The following SEC23B variants were observed in gnomAD, a reference collection of about 807,000 sequenced individuals.
SEC23B encodes SEC23 homolog B, COPII component, also known as protein transport protein Sec23B.
In SEC23B, 77 loss-of-function variants were observed where a neutral mutation model predicts 104.3. That is an observed-to-expected ratio of 0.74 (90% CI 0.61 to 0.89). SEC23B has a LOEUF of 0.89. SEC23B is among the 40% of genes least tolerant of loss of function. SEC23B has a pLI of 0.00. For missense variants in SEC23B, 885 were observed against 949.4 expected, an observed-to-expected ratio of 0.93 and a Z score of 0.89; for synonymous variants, 338 against 332.5, an observed-to-expected ratio of 1.02 and a Z score of -0.18.
At chr20:18,551,782 T>C (rs551582914) in intron 17 of SEC23B, among the ~76,000 whole-genome samples, 47 of 152,328 alleles carry the variant, frequency 3.1e-4, no homozygotes, top group Admixed American at 1.4e-3. Flanking sequence ...TAAATCACTG[T>C]AAATTATTAC....
intron 3 of SEC23B, among the ~76,000 whole-genome samples, chr20:18,514,930 T>G (rs1259761883): frequency 3.9e-5 from 6 of 152,246 alleles, no homozygotes; most frequent in Non-Finnish European, 7.3e-5. Flanking sequence ...AATAAAGTCT[T>G]TGGCTTTATT....
intron 15 of SEC23B, 48 bp downstream of exon 15, chr20:18,546,081 T>A: frequency 9.4e-7 from 1 of 1,060,596 alleles, no homozygotes; most frequent in Non-Finnish European, 1.5e-6. Context: ...TAAATTTTGA[T>A]AGAAATTAAC....
intron 3 of SEC23B, among the ~76,000 whole-genome samples, chr20:18,514,674 CAA>C: frequency 6.6e-6 from 1 of 152,268 alleles, no homozygotes; most frequent in East Asian, 1.9e-4. Context: ...GTTTTAAAAA[CAA>C]AAGAAAATGC....
Position 18,512,246 on chromosome 20 carries a change from A to G in SEC23B, c.243A>G (p.Lys81=), listed in dbSNP as rs757358074. Residue 81 remains lysine (K), a synonymous_variant, in exon 3 of 20, where the codon AAA becomes AAG. Transcript: ENST00000650089. ...ACAGTCAGGTTGATTATCGAGCAAA[A>G]CTTTGGGCCTGTAATTTCTGTTTTC... is the stretch of plus-strand genomic sequence containing the variant. ...NPLCQVDYRA[K]LWACNFCFQR... The G allele has an allele frequency of 6.3e-7, 1 of 1,593,330 alleles. No individual in the cohort carries two copies. The highest frequency in any genetic ancestry group is 1.1e-5 in the South Asian group (1 of 89,036).
In SEC23B at chr20:18,509,392, C is replaced by T. The variant is rs79492126; in HGVS notation, c.-15+1420C>T. On this transcript the variant is annotated intron_variant, in intron 1 of 19. Coordinates refer to ENST00000650089, the MANE Select transcript of SEC23B (RefSeq NM_006363.6). ...GTTATCCATATTCAGGAAGTGGGCG[C>T]GAGAGGCCACTTTAATTTGATAGAC... Among the ~76,000 whole-genome samples the T allele has an allele frequency of 5.3e-5, 8 of 152,306 alleles. No homozygotes were observed. The East Asian group carries it at 5.8e-4, about 11-fold the overall frequency.
Position 18,548,749 on chromosome 20 carries a change from C to T in SEC23B, c.1884C>T (p.Tyr628=), listed in dbSNP as rs766473215. The change falls in exon 16 of 20, where the codon TAC becomes TAT. Residue 628 remains tyrosine, a synonymous_variant. Transcript: ENST00000650089. The stretch of plus-strand genomic sequence containing the variant: ...TGATCCAGCCCATTCTCTACTCTTA[C>T]TCCTTTCATGGGCCACCAGAGGTGA... ...LIMIQPILYS[Y]SFHGPPEPVL... 38 of 1,614,062 alleles carry T rather than the reference C, an allele frequency of 2.4e-5. No homozygotes were observed. The African/African-American group carries it at 3.7e-4, about 16-fold the overall frequency.
rs201948587 is a variant in SEC23B at position 18,526,541 on chromosome 20, C to G, written c.993+10C>G. 3.0e-4 allele frequency: 479 copies of G among 1,613,934 alleles called. 2 individuals carry two copies. In the African/African-American group the frequency reaches 5.2e-3, roughly 18 times the overall value. On this transcript the variant is annotated intron_variant, in intron 8 of 19. Transcript: ENST00000650089. ...GAAAAAGGCAACCAAGGTAGGTGCTCTTGGGTATGGGCTGTAATTCTGAAA... is the reference window on the plus strand; with the variant it reads ...GAAAAAGGCAACCAAGGTAGGTGCTGTTGGGTATGGGCTGTAATTCTGAAA...
At chr20:18,556,288 G>T (rs929006710) in intron 19 of SEC23B, among the ~76,000 whole-genome samples, 1 of 152,078 alleles carries the variant, frequency 6.6e-6, no homozygotes, top group East Asian at 1.9e-4. Context: ...GTATGGGAGG[G>T]TATGCATAGG....
chr20:18,548,779 C>CT lies in SEC23B; in HGVS notation c.1905+10dup. The CT allele has an allele frequency of 6.2e-7, 1 of 1,613,630 alleles. No homozygotes were observed. Among genetic ancestry groups the CT allele is most frequent in the East Asian group, 2.2e-5 (1 of 44,880 alleles). ...TTCATGGGCCACCAGAGGTGAGGCT[C>CT]TACCCAAATGCTTTCCTGAGGATTG... On this transcript the variant is annotated intron_variant, in intron 16 of 19. Transcript: ENST00000650089.
chr20:18,539,496 C>T (rs1483735671), intron 12 of SEC23B, among the ~76,000 whole-genome samples: 140 of 122,422 alleles, frequency 1.1e-3, no homozygotes, highest in African/African-American at 4.1e-3. Flanking sequence ...GGCGACAGAG[C>T]AAGACTCCGT....
chr20:18,545,915 TTGTG>T (rs756159502), intron 14 of SEC23B, 37 bp from the exon 15 acceptor site: 8 of 1,137,914 alleles, frequency 7.0e-6, no homozygotes, highest in Non-Finnish European at 1.1e-5. Flanking sequence ...CTCTCTCTTT[TTGTG>T]TGTGTTTGTT....
At position 18,525,032 on chromosome 20, in the gene SEC23B, A is replaced by G; in HGVS notation, c.689+12A>G. The G allele has an allele frequency of 6.2e-7, 1 of 1,612,532 alleles. No individual in the cohort carries two copies. Among genetic ancestry groups the G allele is most frequent in the Non-Finnish European group, 8.5e-7 (1 of 1,178,536 alleles). On this transcript the variant is annotated intron_variant, in intron 6 of 19. Transcript: ENST00000650089. ...TTTGCTTCAAGCAGGTGAGAGCCCA[A>G]CATGGAGTGTTACACGTATTGTGAT...
In SEC23B at chr20:18,561,124, G is replaced by A. The variant is rs934279340; in HGVS notation, c.*384G>A. ...GCTAATACAAATGTGATTTCCTGAG[G>A]TCTCTGTGTGAGTGTGTATGTGTTT... On this transcript the variant is annotated 3_prime_UTR_variant, in exon 20 of 20. Transcript: ENST00000650089. 1 of 310,170 alleles carries A rather than the reference G, an allele frequency of 3.2e-6. No individual in the cohort carries two copies. The highest frequency in any genetic ancestry group is 6.2e-6 in the Non-Finnish European group (1 of 160,222). The allele number at this position is 310,170 out of a possible 1,614,324, so 19.2% of individuals were successfully genotyped here.
At chr20:18,520,463 G>C (rs1232465139) in intron 4 of SEC23B, among the ~76,000 whole-genome samples, 5 of 152,132 alleles carry the variant, frequency 3.3e-5, no homozygotes, top group Admixed American at 2.6e-4. Flanking sequence ...GGTACAAGAG[G>C]AGGATGCGAA....
At chr20:18,558,970 T>C (rs1269572258) in intron 19 of SEC23B, among the ~76,000 whole-genome samples, 2 of 152,144 alleles carry the variant, frequency 1.3e-5, no homozygotes, top group African/African-American at 4.8e-5. Context: ...AAGTGATTTT[T>C]TTATTGAAAC....
At chr20:18,511,080 A>G (rs757721999) in intron 2 of SEC23B, 24 bp downstream of exon 2, 1 of 1,499,932 alleles carries the variant, frequency 6.7e-7, no homozygotes. Context: ...TGAAACTGGT[A>G]AAAATGATAA....
intron 1 of SEC23B, among the ~76,000 whole-genome samples, chr20:18,509,372 C>G (rs1239291931): frequency 6.6e-6 from 1 of 152,146 alleles, no homozygotes; most frequent in Non-Finnish European, 1.5e-5. Context: ...CAGTTGTTAT[C>G]CATATTCAGG....
chr20:18,543,052 A>T lies in SEC23B; in HGVS notation c.1545A>T (p.Ile515=). The T allele has an allele frequency of 6.2e-7, 1 of 1,614,232 alleles. No homozygotes were observed. Among genetic ancestry groups the T allele is most frequent in the Non-Finnish European group, 8.5e-7 (1 of 1,180,038 alleles). The change falls in exon 14 of 20, where the codon ATA becomes ATT. Residue 515 remains isoleucine, a synonymous_variant. Transcript: ENST00000650089. ...WADVQSQLRH[I]EAAFDQEAAA... ...ATGTACAGAGTCAGCTCAGGCACATAGAAGCAGCATTTGACCAGGAGGCTG... is the reference window on the plus strand; with the variant it reads ...ATGTACAGAGTCAGCTCAGGCACATTGAAGCAGCATTTGACCAGGAGGCTG...
At chr20:18,515,586 C>G in intron 3 of SEC23B, 64 bp from the exon 4 acceptor site, 1 of 948,636 alleles carries the variant, frequency 1.1e-6, no homozygotes, top group South Asian at 1.3e-5. Flanking sequence ...CATTTTTACA[C>G]ATGGAAAATA....
Sources: allele counts gnomAD v4.1 joint callset (sites outside exome capture counted in the v4.1 genomes callset), GRCh38; gene constraint gnomAD v4.1.1; transcripts MANE v1.5; gene names NCBI Gene and HGNC (gene_info 2026-07-23, HGNC 2026-07-21).